ERC1: variants seen among roughly 807,000 people sequenced by gnomAD.
ERC1 encodes the protein RAB6 interacting protein 2.
Under a neutral mutation model 132.0 loss-of-function variants are expected in ERC1, and 56 were observed. The ratio of observed to expected loss-of-function variants is 0.42; its 90% CI spans 0.34 to 0.53. The LOEUF is 0.53. Among genes scored for constraint, ERC1 ranks in the 20% least tolerant of loss-of-function variants. ERC1 has a pLI of 0.03. For synonymous variants in ERC1, 478 were observed against 476.1 expected (o/e 1.00, Z -0.05); for missense variants, 1,202 against 1,349.9 (o/e 0.89, Z 1.72).
intron 13 of ERC1, among the ~76,000 whole-genome samples, chr12:1,245,278 C>T (rs1016759865): frequency 2.0e-5 from 2 of 99,762 alleles, no homozygotes; most frequent in Non-Finnish European, 5.5e-5. Flanking sequence ...TCTGACTTTT[C>T]TTCTTCTTTG....
At chr12:1,199,013 A>G (rs928200481) in intron 12 of ERC1, among the ~76,000 whole-genome samples, 4 of 106,506 alleles carry the variant, frequency 3.8e-5, no homozygotes, top group Non-Finnish European at 7.7e-5. Flanking sequence ...CCTACCTCCA[A>G]CACTGGGGAT....
At chr12:1,267,534 G>T (rs531012952) in intron 14 of ERC1, among the ~76,000 whole-genome samples, 1 of 152,354 alleles carries the variant, frequency 6.6e-6, no homozygotes, top group African/African-American at 2.4e-5. Flanking sequence ...AGACGCTGGA[G>T]GATTGCTTGA....
At chr12:1,444,308 G>T in intron 17 of ERC1, 1 of 328,126 alleles carries the variant, frequency 3.0e-6, no homozygotes. Context: ...AGAGCTGTCC[G>T]TCTGGTGTGA....
At chr12:1,082,072 A>T (rs1942281013) in intron 2 of ERC1, among the ~76,000 whole-genome samples, 1 of 152,166 alleles carries the variant, frequency 6.6e-6, no homozygotes, top group African/African-American at 2.4e-5. Flanking sequence ...TCTGTCACCC[A>T]GGCTGGAGTG....
chr12:1,450,240 A>G (rs1290209265), intron 18 of ERC1, among the ~76,000 whole-genome samples: 1 of 152,212 alleles, frequency 6.6e-6, no homozygotes, highest in African/African-American at 2.4e-5. Flanking sequence ...TTATATTCAT[A>G]ACGTAAACTA....
chr12:1,382,942 CAG>C (rs2088861962), intron 16 of ERC1, among the ~76,000 whole-genome samples: 1 of 151,964 alleles, frequency 6.6e-6, no homozygotes, highest in East Asian at 1.9e-4. Flanking sequence ...GTAGAAAGTC[CAG>C]AGGCTGGGAA....
intron 15 of ERC1, among the ~76,000 whole-genome samples, chr12:1,323,592 G>A (rs546130765): frequency 1.8e-4 from 27 of 152,220 alleles, no homozygotes; most frequent in Admixed American, 9.2e-4. Flanking sequence ...ATCACAAATC[G>A]TAACTAGAAT....
chr12:1,068,630 C>G (rs1424863488), intron 2 of ERC1, among the ~76,000 whole-genome samples: 1 of 145,184 alleles, frequency 6.9e-6, no homozygotes, highest in Non-Finnish European at 1.5e-5. Flanking sequence ...ACCCTTGAAG[C>G]TCTGATTTTA....
intron 12 of ERC1, among the ~76,000 whole-genome samples, chr12:1,236,031 G>A (rs1193928186): frequency 6.6e-6 from 1 of 151,494 alleles, no homozygotes; most frequent in Non-Finnish European, 1.5e-5. Flanking sequence ...CTATTGAAAG[G>A]GAATAATATT....
At chr12:994,796 T>C (rs1960444274) in intron 1 of ERC1, among the ~76,000 whole-genome samples, 1 of 151,996 alleles carries the variant, frequency 6.6e-6, no homozygotes, top group Admixed American at 6.6e-5. Flanking sequence ...ACCATGTCTC[T>C]ACAAAAATAA....
intron 2 of ERC1, among the ~76,000 whole-genome samples, chr12:1,051,517 T>C (rs1210482624): frequency 7.1e-6 from 1 of 139,900 alleles, no homozygotes; most frequent in Non-Finnish European, 1.5e-5. Context: ...TAGCAAGGCC[T>C]CGTCTCTACC....
intron 12 of ERC1, among the ~76,000 whole-genome samples, chr12:1,213,737 C>CAA (rs574859764): frequency 3.3e-4 from 33 of 100,712 alleles, no homozygotes; most frequent in East Asian, 1.1e-3. Flanking sequence ...GACTCCATCT[C>CAA]AAAAAAAAAA....
chr12:1,364,749 C>G (rs1017857169), intron 15 of ERC1, among the ~76,000 whole-genome samples: 1 of 152,198 alleles, frequency 6.6e-6, no homozygotes, highest in South Asian at 2.1e-4. Flanking sequence ...TTTATTGTTT[C>G]ATCTCATTAG....
chr12:1,057,378 C>T (rs1973158541), intron 2 of ERC1, among the ~76,000 whole-genome samples: 1 of 152,064 alleles, frequency 6.6e-6, no homozygotes. Context: ...TCTTCCTTGG[C>T]CTCCTGGAAA....
chr12:1,008,608 C>T (rs1414658781), intron 1 of ERC1, among the ~76,000 whole-genome samples: 3 of 152,000 alleles, frequency 2.0e-5, no homozygotes, highest in Non-Finnish European at 4.4e-5. Context: ...TCTTTGAAAT[C>T]AATTGTATAC....
intron 8 of ERC1, among the ~76,000 whole-genome samples, chr12:1,169,289 C>G (rs192900957): frequency 1.3e-5 from 2 of 152,318 alleles, no homozygotes; most frequent in East Asian, 3.9e-4. Flanking sequence ...AAGCCCTCCA[C>G]TTTCCCTAGA....
intron 15 of ERC1, among the ~76,000 whole-genome samples, chr12:1,338,661 CT>C (rs2083511784): frequency 6.6e-6 from 1 of 151,928 alleles, no homozygotes; most frequent in African/African-American, 2.4e-5. Context: ...TCTTATCTTT[CT>C]GGGGTAATGT....
rs553046895 is a variant in ERC1 at position 1,011,411 on chromosome 12, GC to G, written c.-156-16334del. Among the ~76,000 whole-genome samples the G allele has an allele frequency of 5.3e-5, 8 of 152,048 alleles. No individual in the cohort carries two copies. In the South Asian group the frequency reaches 1.7e-3, roughly 32 times the overall value. On this transcript the variant is annotated intron_variant, in intron 1 of 18. Coordinates refer to ENST00000360905, the MANE Select transcript of ERC1 (RefSeq NM_178040.4). ...TGTAGAGACAGGGTCTCTCCGTATT[GC>G]CCAGATTGGTCTCAAACTCCTAGGC... is the stretch of plus-strand genomic sequence containing the variant.
intron 4 of ERC1, 144 bp from the exon 5 acceptor site, chr12:1,110,048 G>C: frequency 1.5e-6 from 1 of 665,402 alleles, no homozygotes; most frequent in Non-Finnish European, 2.5e-6. Flanking sequence ...CTCAAAAAAA[G>C]GAAGCAAGGC....
Sources: allele counts gnomAD v4.1 joint callset (sites outside exome capture counted in the v4.1 genomes callset), GRCh38; gene constraint gnomAD v4.1.1; transcripts MANE v1.5; gene names NCBI Gene and HGNC (gene_info 2026-07-23, HGNC 2026-07-21).